The following SLIT3 variants were observed in gnomAD, a reference collection of about 807,000 sequenced individuals.
SLIT3 encodes the protein slit guidance ligand 3.
Under a neutral mutation model 184.0 loss-of-function variants are expected in SLIT3, and 68 were observed. The ratio of observed to expected loss-of-function variants is 0.37; its 90% CI spans 0.30 to 0.45. The LOEUF (loss-of-function observed/expected upper bound fraction) is 0.45, where lower values mean the gene tolerates loss of function less well. Ranked by LOEUF, SLIT3 falls within the 20% of genes least tolerant of loss-of-function variation. The pLI is 1.00. For synonymous variants in SLIT3, 831 were observed against 828.6 expected, an observed-to-expected ratio of 1.00 and a Z score of -0.05; for missense variants, 1,707 against 2,026.0, an observed-to-expected ratio of 0.84 and a Z score of 3.02.
In SLIT3 at chr5:168,685,880, C is replaced by CTGGT; in HGVS notation, c.3358_3361dup (p.Ser1121AsnfsTer70). The CTGGT allele has an allele frequency of 6.2e-7, 1 of 1,613,650 alleles. No individual in the cohort carries two copies. The highest frequency in any genetic ancestry group is 8.5e-7 in the Non-Finnish European group (1 of 1,179,920). ...CTGGCACTCGTACTGGTCGCATGGGCTGGTCTGCAGTAGGACCATGGGTGG... is the reference window on the plus strand; with the variant it reads ...CTGGCACTCGTACTGGTCGCATGGGCTGGTTGGTCTGCAGTAGGACCATGGGTGG... On this transcript the variant is annotated frameshift_variant, in exon 31 of 36. Transcript: ENST00000519560. LOFTEE classifies it high-confidence loss of function.
Position 169,135,332 on chromosome 5 carries a change from G to C in SLIT3, c.413+58147C>G, listed in dbSNP as rs538898973. On this transcript the variant is annotated intron_variant, in intron 4 of 35. Coordinates refer to ENST00000519560, the MANE Select transcript of SLIT3 (RefSeq NM_003062.4). ...TCAGCATGTTGGCCAGGCTGGTCTT[G>C]AACTCCTGCCCTCAGGTGATCTGCC... 5.9e-5 allele frequency among the ~76,000 whole-genome samples: 9 copies of C among 152,234 alleles called. No individual in the cohort carries two copies. In the South Asian group the frequency reaches 1.7e-3, roughly 28 times the overall value.
At chr5:168,777,883 T>C (rs1039985041) in intron 12 of SLIT3, among the ~76,000 whole-genome samples, 1 of 152,246 alleles carries the variant, frequency 6.6e-6, no homozygotes, top group Admixed American at 6.5e-5. Context: ...TCAGCCTGGC[T>C]TCCATGAAAG....
In SLIT3 at chr5:168,669,964, A is replaced by G. The variant is rs748631063; in HGVS notation, c.4155T>C (p.Thr1385=). 1.2e-6 allele frequency: 2 copies of G among 1,614,164 alleles called. No individual in the cohort carries two copies. Among genetic ancestry groups the G allele is most frequent in the Non-Finnish European group, 1.7e-6 (2 of 1,180,024 alleles). ...HRCHHGKCVA[T]GTSYMCKCAE... The stretch of plus-strand genomic sequence containing the variant: ...CACACTTGCACATGTATGAGGTCCC[A>G]GTTGCCACACATTTTCCATGGTGGC... The change falls in exon 35 of 36, where the codon ACT becomes ACC. Residue 1385 remains threonine (T), a synonymous_variant. Coordinates refer to ENST00000519560, the MANE Select transcript of SLIT3 (RefSeq NM_003062.4).
chr5:168,761,074 T>C (rs1028350002), intron 15 of SLIT3, 138 bp from the exon 16 acceptor site: 36 of 676,136 alleles, frequency 5.3e-5, no homozygotes, highest in Middle Eastern at 8.0e-4. Context: ...TTGACATCAG[T>C]CCCATCAACA....
At chr5:168,953,463 G>A (rs921436561) in intron 4 of SLIT3, among the ~76,000 whole-genome samples, 1 of 152,188 alleles carries the variant, frequency 6.6e-6, no homozygotes, top group Non-Finnish European at 1.5e-5. Context: ...GGGAGAATAT[G>A]TCAGAATATT....
intron 4 of SLIT3, among the ~76,000 whole-genome samples, chr5:169,084,528 A>C (rs75586589): frequency 0.028 from 4,180 of 148,086 alleles, 86 homozygotes; most frequent in Non-Finnish European, 0.038. Context: ...GGCTGGTTGG[A>C]AACTCCTGAC....
chr5:168,933,279 C>G (rs1054295019), intron 4 of SLIT3, among the ~76,000 whole-genome samples: 52 of 152,146 alleles, frequency 3.4e-4, no homozygotes, highest in African/African-American at 1.2e-3. Flanking sequence ...CGCGGTGGCT[C>G]AAGCCTGTAA....
rs559783395 is a variant in SLIT3 at position 169,198,523 on chromosome 5, T to C, written c.342-4973A>G. On this transcript the variant is annotated intron_variant, in intron 3 of 35. Transcript: ENST00000519560. Reference sequence around the variant, plus strand: ...AAGGTGTACAACTAGGCAGCAGTCATACCACAAAGGGCCTTTTTATCCATA... The same window carrying C: ...AAGGTGTACAACTAGGCAGCAGTCACACCACAAAGGGCCTTTTTATCCATA... Among the ~76,000 whole-genome samples, 7 of 152,352 alleles carry C rather than the reference T, an allele frequency of 4.6e-5. No individual in the cohort carries two copies. The South Asian group carries it at 1.5e-3, about 32-fold the overall frequency.
chr5:168,752,182 C>T (rs74515779), intron 18 of SLIT3, among the ~76,000 whole-genome samples: 11,316 of 152,238 alleles, frequency 0.074, 550 homozygotes, highest in Non-Finnish European at 0.11. Flanking sequence ...CCTCTTCAGC[C>T]TTGCCTTATG....
At chr5:168,968,825 T>C (rs1754444389) in intron 4 of SLIT3, among the ~76,000 whole-genome samples, 1 of 152,198 alleles carries the variant, frequency 6.6e-6, no homozygotes, top group Admixed American at 6.5e-5. Flanking sequence ...AGGTCTGTCT[T>C]AGCTCTGACT....
intron 1 of SLIT3, among the ~76,000 whole-genome samples, chr5:169,269,880 T>C (rs573335707): frequency 6.6e-6 from 1 of 152,342 alleles, no homozygotes; most frequent in South Asian, 2.1e-4. Context: ...TCCAATTTGT[T>C]TCCTTTGCAA....
intron 9 of SLIT3, among the ~76,000 whole-genome samples, chr5:168,802,723 A>G (rs1395232694): frequency 1.3e-5 from 2 of 152,194 alleles, no homozygotes; most frequent in African/African-American, 4.8e-5. Context: ...GTTTCTAACC[A>G]TTGTCATCAT....
intron 4 of SLIT3, among the ~76,000 whole-genome samples, chr5:169,139,839 A>C (rs1047674877): frequency 1.3e-5 from 2 of 152,190 alleles, no homozygotes; most frequent in Non-Finnish European, 2.9e-5. Context: ...CCGCTGAAGA[A>C]TGCTACAAGA....
intron 4 of SLIT3, among the ~76,000 whole-genome samples, chr5:168,937,845 AC>A (rs1374811729): frequency 6.6e-6 from 1 of 151,638 alleles, no homozygotes; most frequent in African/African-American, 2.4e-5. Context: ...CAAAGAAAAG[AC>A]TCTAATAAAC....
At chr5:169,157,934 A>G (rs1762361817) in intron 4 of SLIT3, among the ~76,000 whole-genome samples, 1 of 151,574 alleles carries the variant, frequency 6.6e-6, no homozygotes, top group Non-Finnish European at 1.5e-5. Context: ...AAAATTACAC[A>G]ATCTGAACAA....
At chr5:168,928,947 G>T (rs1185244265) in intron 4 of SLIT3, among the ~76,000 whole-genome samples, 1 of 152,148 alleles carries the variant, frequency 6.6e-6, no homozygotes, top group Admixed American at 6.5e-5. Flanking sequence ...CTTCCCATTA[G>T]GTTATATATG....
intron 4 of SLIT3, among the ~76,000 whole-genome samples, chr5:168,950,871 G>A (rs1203581048): frequency 6.6e-6 from 1 of 152,136 alleles, no homozygotes; most frequent in Non-Finnish European, 1.5e-5. Flanking sequence ...GCACAGTGTC[G>A]GATTCCATAA....
At chr5:169,158,667 T>A (rs1762383345) in intron 4 of SLIT3, among the ~76,000 whole-genome samples, 1 of 152,154 alleles carries the variant, frequency 6.6e-6, no homozygotes, top group Non-Finnish European at 1.5e-5. Flanking sequence ...TTTAAGACAA[T>A]TATATTGTAA....
intron 28 of SLIT3, among the ~76,000 whole-genome samples, chr5:168,695,590 A>G (rs771067395): frequency 6.6e-6 from 1 of 152,234 alleles, no homozygotes; most frequent in Non-Finnish European, 1.5e-5. Flanking sequence ...GTTTGCACCA[A>G]AATTGGTAGC....
Sources: gnomAD v4.1 joint callset for allele counts (sites outside exome capture counted in the v4.1 genomes callset) on GRCh38, gnomAD v4.1.1 for gene constraint, MANE v1.5 for transcripts, NCBI Gene and HGNC (gene_info 2026-07-23, HGNC 2026-07-21) for gene names.